Variants in EXOC4 observed in about 807,000 individuals in gnomAD.
The protein encoded by EXOC4 is exocyst complex component 4.
A neutral mutation model predicts 107.2 loss-of-function variants in EXOC4; 71 were observed. The observed-to-expected ratio is 0.66, with a 90% confidence interval of 0.55 to 0.81. The LOEUF (loss-of-function observed/expected upper bound fraction) is 0.81, where lower values mean the gene tolerates loss of function less well. Among genes scored for constraint, EXOC4 ranks in the 30% least tolerant of loss-of-function variants. The pLI, the probability that EXOC4 is intolerant of heterozygous loss-of-function variation, is 0.00. For synonymous variants in EXOC4, 456 were observed against 441.2 expected (o/e 1.03, Z -0.42); for missense variants, 1,108 against 1,189.6 (o/e 0.93, Z 1.01).
intron 10 of EXOC4, among the ~76,000 whole-genome samples, chr7:133,686,991 TTTTGTGTGTGTGTGTGTGTGTGTGTG>T (rs1366374246): frequency 1.6e-4 from 23 of 144,762 alleles, no homozygotes; most frequent in South Asian, 8.9e-4. Flanking sequence ...GGATAAAGAA[TTTTGTGTGTGTGTGTGTGTGTGTGTG>T]TGTGTGTGTG....
chr7:133,435,278 C>T (rs1295693440), intron 7 of EXOC4, among the ~76,000 whole-genome samples: 1 of 152,114 alleles, frequency 6.6e-6, no homozygotes, highest in Non-Finnish European at 1.5e-5. Context: ...CTGAACCAGT[C>T]CCAGACTTCC....
rs560118286 is a variant in EXOC4 at position 133,856,896 on chromosome 7, C to G, written c.1735-38703C>G. On this transcript the variant is annotated intron_variant, in intron 11 of 17. Coordinates refer to ENST00000253861, the MANE Select transcript of EXOC4 (RefSeq NM_021807.4). Reference sequence around the variant, plus strand: ...CAGGCGGATCACGAGGTCAGGAGATCGAGACCATCCTGGCTAACACGGTGA... The same window carrying G: ...CAGGCGGATCACGAGGTCAGGAGATGGAGACCATCCTGGCTAACACGGTGA... 3.0e-4 allele frequency among the ~76,000 whole-genome samples: 45 copies of G among 151,178 alleles called. No individual in the cohort carries two copies. The South Asian group carries it at 9.0e-3, about 30-fold the overall frequency.
intron 4 of EXOC4, among the ~76,000 whole-genome samples, chr7:133,307,217 AAG>A (rs759866912): frequency 3.9e-5 from 6 of 152,202 alleles, no homozygotes; most frequent in Non-Finnish European, 7.3e-5. Context: ...CTGACAGAGA[AAG>A]AGAGGTTTCT....
chr7:133,714,454 C>G (rs1192750628), intron 10 of EXOC4, among the ~76,000 whole-genome samples: 1 of 152,160 alleles, frequency 6.6e-6, no homozygotes, highest in Non-Finnish European at 1.5e-5. Context: ...TAAGACTCAG[C>G]CAGGATTCAA....
intron 10 of EXOC4, among the ~76,000 whole-genome samples, chr7:133,755,300 T>C (rs1585123901): frequency 8.3e-6 from 1 of 120,470 alleles, no homozygotes; most frequent in African/African-American, 3.2e-5. Context: ...ATATTATATA[T>C]ATTATATATA....
downstream of EXOC4, among the ~76,000 whole-genome samples, chr7:134,070,792 A>AAAAAT (rs1563112928): frequency 1.3e-5 from 2 of 150,548 alleles, no homozygotes; most frequent in African/African-American, 2.4e-5. Flanking sequence ...AAAAAAAATA[A>AAAAAT]AAGGAACTTA....
intron 10 of EXOC4, among the ~76,000 whole-genome samples, chr7:133,680,207 G>A (rs1294245063): frequency 6.6e-6 from 1 of 152,188 alleles, no homozygotes; most frequent in Non-Finnish European, 1.5e-5. Context: ...AGAGAAAATA[G>A]TGATAATACA....
downstream of EXOC4, among the ~76,000 whole-genome samples, chr7:134,069,286 C>A (rs1352845688): frequency 1.3e-5 from 1 of 77,956 alleles, no homozygotes; most frequent in Non-Finnish European, 2.3e-5. Flanking sequence ...TCCTCCTTCT[C>A]CCCCTCATTC....
intron 17 of EXOC4, among the ~76,000 whole-genome samples, chr7:134,047,859 C>T (rs1795692905): frequency 6.6e-6 from 1 of 152,200 alleles, no homozygotes; most frequent in South Asian, 2.1e-4. Flanking sequence ...CTGCCTGCTG[C>T]ACAAATAAAG....
intron 12 of EXOC4, among the ~76,000 whole-genome samples, chr7:133,912,521 A>G (rs777337904): frequency 5.9e-5 from 9 of 152,230 alleles, no homozygotes; most frequent in Non-Finnish European, 1.2e-4. Context: ...AAATGACTTG[A>G]CAGCTCATCA....
At chr7:133,330,783 C>T (rs1795365542) in intron 5 of EXOC4, among the ~76,000 whole-genome samples, 1 of 151,954 alleles carries the variant, frequency 6.6e-6, no homozygotes, top group South Asian at 2.1e-4. Flanking sequence ...GGGCTGCACC[C>T]ACTGTCCAAC....
chr7:134,064,849 A>G lies in EXOC4; in HGVS notation c.*321A>G, dbSNP rs965134457. 2 of 167,092 alleles carry G rather than the reference A, an allele frequency of 1.2e-5. No homozygotes were observed. The highest frequency in any genetic ancestry group is 4.8e-5 in the African/African-American group (2 of 41,974). 10.4% of individuals were successfully genotyped at this position (167,092 alleles called of 1,614,324 possible). ...ATTACTAATATTTGATTTATTACTC[A>G]ATATATATATAATTCCAGCCTTGGA... On this transcript the variant is annotated 3_prime_UTR_variant, in exon 18 of 18. Transcript: ENST00000253861.
chr7:134,078,122 A>G, the EXOC4 span, among the ~76,000 whole-genome samples: 4 of 152,010 alleles, frequency 2.6e-5, no homozygotes, highest in Admixed American at 6.6e-5. Flanking sequence ...TCCTGCATCA[A>G]CCATCACAGT....
intron 10 of EXOC4, among the ~76,000 whole-genome samples, chr7:133,815,284 G>A (rs1033645243): frequency 4.6e-5 from 7 of 151,422 alleles, no homozygotes; most frequent in African/African-American, 1.7e-4. Context: ...GGGAGGCTGA[G>A]GCAGGAGAAT....
intron 6 of EXOC4, among the ~76,000 whole-genome samples, chr7:133,366,430 ACACTTTCT>A (rs1796250463): frequency 6.6e-6 from 1 of 152,156 alleles, no homozygotes; most frequent in South Asian, 2.1e-4. Flanking sequence ...TAAAGAATAA[ACACTTTCT>A]TCATCCTGTT....
Position 133,275,047 on chromosome 7 carries a change from A to G in EXOC4, c.152A>G (p.Tyr51Cys). ...GAAAAGGGTCGCCTTGAAGAAGCCT[A>G]CGAGAAATGTGACCGTGACCTGGAT... ...ENEKGRLEEAYEKCDRDLDEL... is the reference protein window; with the variant it reads ...ENEKGRLEEACEKCDRDLDEL... The change falls in exon 2 of 18, where the codon TAC becomes TGC. Residue 51 changes from tyrosine (Y) to cysteine (C), a missense_variant. Physicochemically the swap from Tyr to Cys is radical, Grantham distance 194. Coordinates refer to ENST00000253861, the MANE Select transcript of EXOC4 (RefSeq NM_021807.4). 1 of 1,613,872 alleles carries G rather than the reference A, an allele frequency of 6.2e-7. No homozygotes were observed. The highest frequency in any genetic ancestry group is 8.5e-7 in the Non-Finnish European group (1 of 1,179,782).
At chr7:133,600,053 A>G (rs1413298731) in intron 9 of EXOC4, among the ~76,000 whole-genome samples, 1 of 151,832 alleles carries the variant, frequency 6.6e-6, no homozygotes, top group Non-Finnish European at 1.5e-5. Flanking sequence ...GGTGGGTGCT[A>G]CTGTGCCTGT....
At chr7:133,872,579 A>G (rs1798772699) in intron 11 of EXOC4, among the ~76,000 whole-genome samples, 1 of 152,136 alleles carries the variant, frequency 6.6e-6, no homozygotes, top group Non-Finnish European at 1.5e-5. Flanking sequence ...CTTTTCATTT[A>G]AAAAAAATCT....
chr7:133,912,138 G>C (rs1190935949), intron 12 of EXOC4, among the ~76,000 whole-genome samples: 1 of 152,198 alleles, frequency 6.6e-6, no homozygotes, highest in Admixed American at 6.5e-5. Flanking sequence ...CACAGGTCAT[G>C]GTTTGCCCAC....
Sources: allele counts gnomAD v4.1 joint callset (sites outside exome capture counted in the v4.1 genomes callset), GRCh38; gene constraint gnomAD v4.1.1; transcripts MANE v1.5; gene names NCBI Gene and HGNC (gene_info 2026-07-23, HGNC 2026-07-21).